Variants in TULP3 observed in about 807,000 individuals in gnomAD.
TULP3 encodes TUB like protein 3, also known as tubby-related protein 3.
Under a neutral mutation model 50.7 loss-of-function variants are expected in TULP3, and 38 were observed. The observed-to-expected ratio is 0.75, with a 90% CI of 0.58 to 0.98. The LOEUF (loss-of-function observed/expected upper bound fraction) is 0.98, where lower values mean the gene tolerates loss of function less well. Among genes scored for constraint, TULP3 ranks in the 50% least tolerant of loss-of-function variants. The pLI is 0.00. For missense variants in TULP3, 550 were observed against 568.0 expected, an observed-to-expected ratio of 0.97 and a Z score of 0.32; for synonymous variants, 183 against 196.6, an observed-to-expected ratio of 0.93 and a Z score of 0.58.
chr12:2,922,917 G>A lies in TULP3; in HGVS notation c.394+515G>A, dbSNP rs1018630972. On this transcript the variant is annotated intron_variant, in intron 4 of 10. Transcript: ENST00000448120. Reference sequence around the variant, plus strand: ...CGCGCTGGCTGGAGTGCAGTGACGCGATCTCGGCTCACTGCAAGCTCCGCC... The same window carrying A: ...CGCGCTGGCTGGAGTGCAGTGACGCAATCTCGGCTCACTGCAAGCTCCGCC... Among the ~76,000 whole-genome samples the A allele has an allele frequency of 6.5e-4, 97 of 148,098 alleles. 1 individual carries two copies. Among genetic ancestry groups the A allele is most frequent in the African/African-American group, 2.2e-3 (87 of 39,716 alleles).
intron 1 of TULP3, among the ~76,000 whole-genome samples, chr12:2,903,562 CAA>C (rs78763103): frequency 0.53 from 66,553 of 126,030 alleles, 15,661 homozygotes; most frequent in African/African-American, 0.63. Flanking sequence ...GACTCTATCT[CAA>C]AAAAAAAAAA....
intron 4 of TULP3, among the ~76,000 whole-genome samples, chr12:2,925,623 C>T (rs988158149): frequency 6.6e-6 from 1 of 152,110 alleles, no homozygotes; most frequent in African/African-American, 2.4e-5. Flanking sequence ...AGACAGTTTT[C>T]CTGTCTTTAA....
In TULP3 at chr12:2,937,200, A is replaced by ATTTTTTTTTTTTTTTTTTTTTT. The variant is rs771074689; in HGVS notation, c.925-421_925-400dup. On this transcript the variant is annotated intron_variant, in intron 8 of 10. Transcript: ENST00000448120. ...AATAAAATTATTTTTGGTACACCTG[A>ATTTTTTTTTTTTTTTTTTTTTT]TTTTTTTTTTTTTTTTTTTTTTTTT... Among the ~76,000 whole-genome samples, 2 of 54,466 alleles carry ATTTTTTTTTTTTTTTTTTTTTT rather than the reference A, an allele frequency of 3.7e-5. 1 individual carries two copies. The highest frequency in any genetic ancestry group is 1.5e-4 in the African/African-American group (2 of 13,456). The allele number at this position is 54,466 out of a possible 152,430, so 35.7% of individuals were successfully genotyped here. A position where few individuals can be genotyped will look rare whatever the true frequency, so the allele number is the denominator to read the frequency against.
intron 1 of TULP3, among the ~76,000 whole-genome samples, chr12:2,897,302 G>A (rs1360822418): frequency 6.6e-6 from 1 of 151,990 alleles, no homozygotes; most frequent in Non-Finnish European, 1.5e-5. Context: ...GAGCCACTAC[G>A]CCCAGCCTAA....
chr12:2,900,395 A>G (rs892856527), intron 1 of TULP3, among the ~76,000 whole-genome samples: 3 of 152,214 alleles, frequency 2.0e-5, no homozygotes, highest in African/African-American at 4.8e-5. Flanking sequence ...ATAAACATCA[A>G]TATATCAATA....
At chr12:2,911,454 G>A (rs945075382) in intron 2 of TULP3, among the ~76,000 whole-genome samples, 23 of 151,468 alleles carry the variant, frequency 1.5e-4, no homozygotes, top group African/African-American at 5.1e-4. Context: ...CCGGGTTCAC[G>A]CCATTCTCCT....
intron 1 of TULP3, among the ~76,000 whole-genome samples, chr12:2,901,121 C>G (rs1565497198): frequency 6.6e-6 from 1 of 151,434 alleles, no homozygotes; most frequent in African/African-American, 2.4e-5. Flanking sequence ...CCCCTCCCCC[C>G]ACCTCTTTTT....
At chr12:2,895,460 G>A (rs1272644944) in intron 1 of TULP3, among the ~76,000 whole-genome samples, 1 of 152,172 alleles carries the variant, frequency 6.6e-6, no homozygotes, top group East Asian at 1.9e-4. Flanking sequence ...CTTCTCATAT[G>A]ACCTTTATGT....
chr12:2,904,071 C>T (rs747166981), intron 1 of TULP3, among the ~76,000 whole-genome samples: 3 of 152,118 alleles, frequency 2.0e-5, no homozygotes, highest in African/African-American at 7.2e-5. Context: ...CGTGAGCCAC[C>T]GTGCCTGGCC....
chr12:2,927,441 A>G (rs1290033624), intron 4 of TULP3, among the ~76,000 whole-genome samples: 1 of 135,722 alleles, frequency 7.4e-6, no homozygotes, highest in Non-Finnish European at 1.5e-5. Context: ...ATCTCGGCTC[A>G]CTGCAACCTC....
intron 2 of TULP3, among the ~76,000 whole-genome samples, chr12:2,911,657 G>T (rs530208180): frequency 6.2e-5 from 6 of 97,310 alleles, no homozygotes; most frequent in Non-Finnish European, 1.2e-4. Flanking sequence ...GAGCCACTGC[G>T]CCCAGCCTTT....
intron 1 of TULP3, among the ~76,000 whole-genome samples, chr12:2,898,629 C>A (rs1468630570): frequency 1.3e-5 from 2 of 152,120 alleles, no homozygotes; most frequent in African/African-American, 4.8e-5. Flanking sequence ...ACTTTATGGA[C>A]ACTGGAATTT....
rs542060811 is a variant in TULP3 at position 2,920,180 on chromosome 12, A to T, written c.94-583A>T. On this transcript the variant is annotated intron_variant, in intron 2 of 10. Transcript: ENST00000448120. ...TGTGGTCACATTTGATAATGCTATG[A>T]TGATTCCCATACATCTTTAGTAGAC... Among the ~76,000 whole-genome samples, 7 of 152,250 alleles carry T rather than the reference A, an allele frequency of 4.6e-5. No homozygotes were observed. The East Asian group carries it at 1.4e-3, about 29-fold the overall frequency.
At chr12:2,892,304 G>C (rs184755051) in intron 1 of TULP3, among the ~76,000 whole-genome samples, 1 of 151,974 alleles carries the variant, frequency 6.6e-6, no homozygotes, top group African/African-American at 2.4e-5. Context: ...TACATTTACA[G>C]GTGTAAGTGG....
rs752587616 is a variant in TULP3, at chr12:2,909,506, TTTA to T, written c.42-20_42-18del. ...AGGCGTTTTCTTTTTATATACTTGC[TTTA>T]TTTTTTTTTTTTTTAACAGTGTCTT... On this transcript the variant is annotated intron_variant, in intron 1 of 10. Coordinates refer to ENST00000448120, the MANE Select transcript of TULP3 (RefSeq NM_003324.5). 18 of 1,535,536 alleles carry T rather than the reference TTTA, an allele frequency of 1.2e-5. No homozygotes were observed. The South Asian group carries it at 2.2e-4, about 18-fold the overall frequency.
intron 2 of TULP3, among the ~76,000 whole-genome samples, chr12:2,915,891 G>A (rs527932317): frequency 2.0e-5 from 3 of 152,072 alleles, no homozygotes; most frequent in Non-Finnish European, 4.4e-5. Context: ...GCCTGATGCT[G>A]GTTGTACTCT....
intron 10 of TULP3, among the ~76,000 whole-genome samples, 182 bp downstream of exon 10, chr12:2,938,467 G>A (rs1208548473): frequency 6.6e-6 from 1 of 152,144 alleles, no homozygotes; most frequent in African/African-American, 2.4e-5. Context: ...CTGTGTTGAG[G>A]AGGGGAGAGG....
intron 3 of TULP3, among the ~76,000 whole-genome samples, chr12:2,921,776 A>G (rs953457850): frequency 1.3e-5 from 2 of 152,154 alleles, no homozygotes; most frequent in Non-Finnish European, 2.9e-5. Context: ...CTTTAGTAAC[A>G]GAGCATGTTA....
intron 8 of TULP3, among the ~76,000 whole-genome samples, chr12:2,936,890 G>A (rs61916380): frequency 0.2 from 30,731 of 151,732 alleles, 3,205 homozygotes; most frequent in South Asian, 0.27. Flanking sequence ...GGCAGATCAC[G>A]AGGTCAGGAG....
Sources: gnomAD v4.1 joint callset for allele counts (sites outside exome capture counted in the v4.1 genomes callset) on GRCh38, gnomAD v4.1.1 for gene constraint, MANE v1.5 for transcripts, NCBI Gene and HGNC (gene_info 2026-07-23, HGNC 2026-07-21) for gene names.